The following TLL1 variants were observed in gnomAD, a reference collection of about 807,000 sequenced individuals.
TLL1 encodes tolloid like 1.
A neutral mutation model predicts 128.2 loss-of-function variants in TLL1; 49 were observed. The ratio of observed to expected loss-of-function variants is 0.38; its 90% CI spans 0.30 to 0.48. TLL1 has a LOEUF of 0.48. TLL1 is among the 20% of genes least tolerant of loss of function. The pLI is 0.96. For missense variants in TLL1, 1,123 were observed against 1,242.0 expected (o/e 0.90, Z 1.44); for synonymous variants, 454 against 418.8 (o/e 1.08, Z -1.03).
intron 13 of TLL1, among the ~76,000 whole-genome samples, chr4:166,056,887 T>C (rs1740035060): frequency 6.6e-6 from 1 of 152,176 alleles, no homozygotes; most frequent in Non-Finnish European, 1.5e-5. Flanking sequence ...ACGTTGTTCC[T>C]GCTCCTTTGC....
chr4:165,956,570 TTA>T (rs1182591213), intron 1 of TLL1, among the ~76,000 whole-genome samples: 39 of 152,174 alleles, frequency 2.6e-4, no homozygotes, highest in African/African-American at 8.9e-4. Flanking sequence ...CAGTCAGACC[TTA>T]TGGTTGTCTT....
At chr4:165,905,327 C>G (rs1732201931) in intron 1 of TLL1, among the ~76,000 whole-genome samples, 1 of 152,110 alleles carries the variant, frequency 6.6e-6, no homozygotes, top group African/African-American at 2.4e-5. Flanking sequence ...AATGAGTAAA[C>G]AAAATGTACA....
At chr4:165,894,003 A>G (rs1731541844) in intron 1 of TLL1, among the ~76,000 whole-genome samples, 1 of 152,190 alleles carries the variant, frequency 6.6e-6, no homozygotes, top group South Asian at 2.1e-4. Flanking sequence ...TTAAGAGTCA[A>G]AAAATCCTGG....
intron 1 of TLL1, among the ~76,000 whole-genome samples, chr4:165,960,070 A>G (rs1735021345): frequency 6.6e-6 from 1 of 152,096 alleles, no homozygotes; most frequent in African/African-American, 2.4e-5. Flanking sequence ...GAAAGAATAA[A>G]CAAGATTGGT....
At chr4:166,012,185 T>G (rs1312078000) in intron 7 of TLL1, among the ~76,000 whole-genome samples, 1 of 151,558 alleles carries the variant, frequency 6.6e-6, no homozygotes, top group Non-Finnish European at 1.5e-5. Flanking sequence ...TCAATGTAGT[T>G]AGAACAAATC....
chr4:166,065,979 G>A (rs1004301193), intron 16 of TLL1, 116 bp downstream of exon 16: 2 of 402,956 alleles, frequency 5.0e-6, no homozygotes, highest in Non-Finnish European at 7.6e-6. Flanking sequence ...AGATAAGTAG[G>A]CCTTACAAAC....
intron 12 of TLL1, chr4:166,044,465 T>C (rs2111096185): frequency 6.6e-7 from 1 of 1,505,732 alleles, no homozygotes; most frequent in Middle Eastern, 1.7e-4. Flanking sequence ...CTTGTCTCTG[T>C]CCCCTTGCAT....
At chr4:165,994,643 G>T (rs932720574) in intron 4 of TLL1, 110 bp downstream of exon 4, 13 of 1,301,224 alleles carry the variant, frequency 1.0e-5, no homozygotes, top group Non-Finnish European at 1.3e-5. Context: ...TTAAGTCAAG[G>T]TTGGAAAACT....
At chr4:165,956,850 C>T (rs924081175) in intron 1 of TLL1, among the ~76,000 whole-genome samples, 3 of 152,034 alleles carry the variant, frequency 2.0e-5, no homozygotes, top group African/African-American at 7.2e-5. Flanking sequence ...GTGGCTCCAG[C>T]CGGTCCCTCT....
chr4:165,995,383 T>C (rs895050014), intron 5 of TLL1, among the ~76,000 whole-genome samples: 5 of 152,052 alleles, frequency 3.3e-5, no homozygotes, highest in African/African-American at 4.8e-5. Context: ...AGTGTATTCT[T>C]TTCTACCACC....
intron 1 of TLL1, among the ~76,000 whole-genome samples, chr4:165,926,368 G>A (rs961397506): frequency 4.6e-5 from 7 of 152,134 alleles, no homozygotes; most frequent in Non-Finnish European, 7.4e-5. Context: ...ATACTTAAAT[G>A]CATTTTAAAC....
chr4:165,948,618 G>A (rs968125969), intron 1 of TLL1, among the ~76,000 whole-genome samples: 4 of 152,106 alleles, frequency 2.6e-5, no homozygotes, highest in African/African-American at 4.8e-5. Context: ...ATGGTGAGGG[G>A]GCTGATTATG....
At chr4:166,063,838 G>A (rs1740451362) in intron 15 of TLL1, among the ~76,000 whole-genome samples, 1 of 152,044 alleles carries the variant, frequency 6.6e-6, no homozygotes, top group Non-Finnish European at 1.5e-5. Flanking sequence ...ACACACCGGG[G>A]CCTGTCATAA....
chr4:165,906,162 C>T (rs1043356017), intron 1 of TLL1, among the ~76,000 whole-genome samples: 20 of 152,110 alleles, frequency 1.3e-4, no homozygotes, highest in African/African-American at 3.4e-4. Context: ...TATTTGAGTA[C>T]GTGCAGCCAC....
chr4:166,059,903 AT>A, intron 14 of TLL1, 124 bp from the exon 15 acceptor site: 5 of 1,188,956 alleles, frequency 4.2e-6, no homozygotes, highest in Non-Finnish European at 6.1e-6. Context: ...CCATTTCTGG[AT>A]TTTAAAATCC....
intron 1 of TLL1, among the ~76,000 whole-genome samples, chr4:165,876,306 TG>T (rs1244173076): frequency 6.7e-6 from 1 of 149,902 alleles, no homozygotes; most frequent in Non-Finnish European, 1.5e-5. Context: ...AGAAAAAAAA[TG>T]AAATACTACA....
intron 1 of TLL1, among the ~76,000 whole-genome samples, chr4:165,932,475 G>A (rs1733573677): frequency 6.6e-6 from 1 of 152,186 alleles, no homozygotes; most frequent in African/African-American, 2.4e-5. Context: ...GCAGGCTAGT[G>A]AATAAGGATG....
chr4:165,948,861 G>T (rs28759261), intron 1 of TLL1, among the ~76,000 whole-genome samples: 3,402 of 152,126 alleles, frequency 0.022, 118 homozygotes, highest in African/African-American at 0.076. Context: ...TTTGGGAGGG[G>T]CTTGAATCTT....
chr4:165,974,508 T>C (rs1735784507), intron 1 of TLL1, among the ~76,000 whole-genome samples: 1 of 152,190 alleles, frequency 6.6e-6, no homozygotes, highest in African/African-American at 2.4e-5. Context: ...CCGAGAAGGT[T>C]ATCTGGCTTT....
Sources: allele counts gnomAD v4.1 joint callset (sites outside exome capture counted in the v4.1 genomes callset), GRCh38; gene constraint gnomAD v4.1.1; transcripts MANE v1.5; gene names NCBI Gene and HGNC (gene_info 2026-07-23, HGNC 2026-07-21).